Variants in MCM3AP observed in about 807,000 individuals in gnomAD.
MCM3AP encodes germinal-center associated nuclear protein.
A neutral mutation model predicts 184.1 loss-of-function variants in MCM3AP; 126 were observed. That is an observed-to-expected ratio of 0.68 (90% CI 0.59 to 0.79). MCM3AP has a LOEUF of 0.79. Among genes scored for constraint, MCM3AP ranks in the 30% least tolerant of loss-of-function variants. The probability of loss-of-function intolerance (pLI) is 0.00; values close to 1 mark genes in which losing one functional copy is unlikely to be tolerated. For missense variants in MCM3AP, 2,496 were observed against 2,479.2 expected (o/e 1.01, Z -0.14); for synonymous variants, 1,002 against 979.3 (o/e 1.02, Z -0.43).
At chr21:46,247,550 T>A (rs1205838087) in intron 20 of MCM3AP, 1 of 151,626 alleles carries the variant, frequency 6.6e-6, no homozygotes, top group Non-Finnish European at 1.5e-5. Context: ...GGAGACAGGG[T>A]TTCACCATGT....
At chr21:46,278,939 C>T (rs1010769406) in intron 4 of MCM3AP, among the ~76,000 whole-genome samples, 4 of 57,784 alleles carry the variant, frequency 6.9e-5, no homozygotes, top group Non-Finnish European at 9.8e-5. Flanking sequence ...TCCCAAAGTG[C>T]TGGGATTACA....
chr21:46,264,509 G>C (rs932434884), intron 12 of MCM3AP, among the ~76,000 whole-genome samples: 4 of 152,154 alleles, frequency 2.6e-5, no homozygotes, highest in Non-Finnish European at 5.9e-5. Context: ...AGCACTCCCT[G>C]ATCCCCAGAT....
intron 24 of MCM3AP, 87 bp from the exon 25 acceptor site, chr21:46,243,018 A>C: frequency 9.1e-6 from 11 of 1,211,266 alleles, no homozygotes; most frequent in East Asian, 2.4e-5. Flanking sequence ...AAAAAACAAA[A>C]ACAGGTACAA....
chr21:46,247,609 G>A (rs17176835), intron 20 of MCM3AP: 25,976 of 151,770 alleles, frequency 0.17, 2,629 homozygotes, highest in Non-Finnish European at 0.22. Flanking sequence ...AGCCTGCCTC[G>A]GCCTCCCAAA....
At chr21:46,236,798 T>G in intron 27 of MCM3AP, 31 bp downstream of exon 27, 2 of 1,467,254 alleles carry the variant, frequency 1.4e-6, no homozygotes, top group South Asian at 2.8e-5. Context: ...TTAATTCTTA[T>G]GTAAATGCCA....
At chr21:46,243,354 G>A (rs1326671280) in intron 24 of MCM3AP, 111 bp downstream of exon 24, 2 of 1,282,212 alleles carry the variant, frequency 1.6e-6, no homozygotes, top group East Asian at 2.3e-5. Flanking sequence ...GGAAAGGAAG[G>A]ATAGAGACCC....
chr21:46,266,992 C>T lies in MCM3AP; in HGVS notation c.2779G>A (p.Val927Ile), dbSNP rs1297074377. 7.4e-6 allele frequency: 12 copies of T among 1,613,976 alleles called. No individual in the cohort carries two copies. The highest frequency in any genetic ancestry group is 3.3e-4 in the Middle Eastern group (2 of 6,078). The change falls in exon 10 of 28, where the codon GTT becomes ATT. Residue 927 changes from valine to isoleucine, a missense_variant. Around this residue, in one of 5 missense-constraint regions of MCM3AP, gnomAD observed 138 missense variants for 191.9 expected, o/e 0.72. Transcript: ENST00000291688. ...TDFLTCHGLT[V>I]SDGCVELNRS... is the part of the protein sequence containing the mutation. The stretch of plus-strand genomic sequence containing the variant: ...ATTCTCAGCTCTTACCCGTCGGAAA[C>T]GGTGAGGCCGTGGCAGGTGAGGAAG...
chr21:46,256,072 G>A (rs2080944757), intron 17 of MCM3AP, among the ~76,000 whole-genome samples: 1 of 152,180 alleles, frequency 6.6e-6, no homozygotes. Context: ...ATGACATGAG[G>A]CCCCAGCGGT....
At chr21:46,236,799 G>C in intron 27 of MCM3AP, 30 bp downstream of exon 27, 1 of 1,471,844 alleles carries the variant, frequency 6.8e-7, no homozygotes, top group Non-Finnish European at 9.1e-7. Flanking sequence ...TAATTCTTAT[G>C]TAAATGCCAA....
chr21:46,259,098 A>C lies in MCM3AP; in HGVS notation c.3582-7T>G, dbSNP rs751853688. 6.2e-7 allele frequency: 1 copy of C among 1,603,930 alleles called. No homozygotes were observed. Among genetic ancestry groups the C allele is most frequent in the Non-Finnish European group, 8.5e-7 (1 of 1,175,260 alleles). On this transcript the variant is annotated splice_region_variant and splice_polypyrimidine_tract_variant and intron_variant, in intron 15 of 27. Coordinates refer to ENST00000291688, the MANE Select transcript of MCM3AP (RefSeq NM_003906.5). ...GTCTGTCTCTACTGCATTCCTAGAA[A>C]CAGGGCAATCAGCATGGAAGACACT...
intron 24 of MCM3AP, 159 bp from the exon 25 acceptor site, chr21:46,243,090 T>C (rs1008279680): frequency 8.9e-6 from 6 of 671,804 alleles, no homozygotes; most frequent in Admixed American, 3.1e-5. Context: ...TGCAAGACCT[T>C]TGATTAAAGT....
intron 26 of MCM3AP, among the ~76,000 whole-genome samples, chr21:46,240,281 C>A (rs777597847): frequency 7.9e-5 from 12 of 152,040 alleles, no homozygotes; most frequent in Admixed American, 2.6e-4. Context: ...GCTGGGAGGG[C>A]AGGGAAGGCA....
chr21:46,241,659 T>C (rs1320106807), intron 25 of MCM3AP: 2 of 152,574 alleles, frequency 1.3e-5, no homozygotes, highest in Non-Finnish European at 1.5e-5. Context: ...TATTTAAAAC[T>C]TTCTCAGCAA....
chr21:46,242,591 T>TCA (rs2075014433), intron 25 of MCM3AP: 1 of 405,570 alleles, frequency 2.5e-6, no homozygotes, highest in South Asian at 5.0e-5. Flanking sequence ...AGGTATGATT[T>TCA]CAGGGTCAGG....
chr21:46,242,628 T>G, intron 25 of MCM3AP, 174 bp downstream of exon 25: 1 of 536,086 alleles, frequency 1.9e-6, no homozygotes, highest in Non-Finnish European at 3.2e-6. Flanking sequence ...AGTGAGATGC[T>G]TTAACTTTGT....
At chr21:46,247,188 G>C (rs1001955065) in intron 20 of MCM3AP, 2 of 301,416 alleles carry the variant, frequency 6.6e-6, no homozygotes, top group African/African-American at 2.1e-5. Flanking sequence ...TGCTGGGCTC[G>C]AGCAGTCCTC....
intron 10 of MCM3AP, chr21:46,266,742 G>A (rs17176422): frequency 5.3e-5 from 28 of 523,790 alleles, no homozygotes; most frequent in Non-Finnish European, 9.1e-5. Flanking sequence ...TTGTCAGCAA[G>A]TCATGAAAAG....
At chr21:46,257,563 T>G (rs981170365) in intron 16 of MCM3AP, among the ~76,000 whole-genome samples, 54 of 151,696 alleles carry the variant, frequency 3.6e-4, no homozygotes, top group African/African-American at 1.3e-3. Context: ...CACGTGCCTG[T>G]GTGCAAACGG....
intron 1 of MCM3AP, 68 bp downstream of exon 1, chr21:46,284,000 C>A (rs2081366688): frequency 6.4e-7 from 1 of 1,557,618 alleles, no homozygotes; most frequent in East Asian, 2.3e-5. Context: ...ATCAAGCTAA[C>A]ACCCAGAGAA....
Sources: allele counts gnomAD v4.1 joint callset (sites outside exome capture counted in the v4.1 genomes callset), GRCh38; gene constraint gnomAD v4.1.1; regional missense constraint gnomAD v4.1.1; transcripts MANE v1.5; gene names NCBI Gene and HGNC (gene_info 2026-07-23, HGNC 2026-07-21).